Variants in ZNF521 observed in about 807,000 individuals in gnomAD.
The protein encoded by ZNF521 is LYST-interacting protein 3.
ZNF521 carries 14 observed loss-of-function variants against 105.5 expected under a neutral mutation model. That is an observed-to-expected ratio of 0.13 (90% confidence interval 0.09 to 0.21). The LOEUF is 0.21. Ranked by LOEUF, ZNF521 falls within the 10% of genes least tolerant of loss-of-function variation. The pLI, the probability that ZNF521 is intolerant of heterozygous loss-of-function variation, is 1.00. For missense variants in ZNF521, 1,233 were observed against 1,629.7 expected, an observed-to-expected ratio of 0.76 and a Z score of 4.19; for synonymous variants, 635 against 606.0, an observed-to-expected ratio of 1.05 and a Z score of -0.70.
At position 25,300,858 on chromosome 18, in the gene ZNF521, T is replaced by C. The variant is rs577297139; in HGVS notation, c.220+21150A>G. Among the ~76,000 whole-genome samples, 19 of 152,334 alleles carry C rather than the reference T, an allele frequency of 1.2e-4. No individual in the cohort carries two copies. The East Asian group carries it at 3.5e-3, about 28-fold the overall frequency. On this transcript the variant is annotated intron_variant, in intron 3 of 7. Coordinates refer to ENST00000361524, the MANE Select transcript of ZNF521 (RefSeq NM_015461.3). ...TCAAATACTTTCCCACCCTCAAAGA[T>C]GTATACATATTAATAATTTGCAAAC...
intron 3 of ZNF521, among the ~76,000 whole-genome samples, chr18:25,277,412 G>A (rs1910106506): frequency 6.6e-6 from 1 of 151,834 alleles, no homozygotes; most frequent in Non-Finnish European, 1.5e-5. Flanking sequence ...TAAGCTTAGG[G>A]CACAAAAAAA....
chr18:25,085,227 G>GTGTA (rs1555632521), intron 7 of ZNF521, among the ~76,000 whole-genome samples: 1 of 148,428 alleles, frequency 6.7e-6, no homozygotes, highest in Non-Finnish European at 1.5e-5. Context: ...ATTTTTATGT[G>GTGTA]TATATATATA....
At chr18:25,113,761 GACACACACAC>G (rs10667710) in intron 5 of ZNF521, among the ~76,000 whole-genome samples, 4 of 101,690 alleles carry the variant, frequency 3.9e-5, no homozygotes, top group East Asian at 2.9e-4. Flanking sequence ...AGGACGGACG[GACACACACAC>G]ACACACACAC....
At chr18:25,190,165 T>G (rs889281375) in intron 5 of ZNF521, among the ~76,000 whole-genome samples, 8 of 152,222 alleles carry the variant, frequency 5.3e-5, no homozygotes, top group African/African-American at 1.9e-4. Flanking sequence ...ATCCAGCTCT[T>G]GATGAAATAA....
chr18:25,329,369 G>T (rs191241104), intron 2 of ZNF521, among the ~76,000 whole-genome samples: 1 of 152,186 alleles, frequency 6.6e-6, no homozygotes, highest in African/African-American at 2.4e-5. Flanking sequence ...AAAGAGAAGA[G>T]TAAGTCAACG....
chr18:25,308,690 T>G (rs1476524344), intron 3 of ZNF521, among the ~76,000 whole-genome samples: 1 of 147,154 alleles, frequency 6.8e-6, no homozygotes, highest in Non-Finnish European at 1.5e-5. Context: ...AAAATTATTT[T>G]TTTTCTCAGA....
chr18:25,080,272 C>A (rs1012115190), intron 7 of ZNF521, among the ~76,000 whole-genome samples: 1 of 152,170 alleles, frequency 6.6e-6, no homozygotes, highest in Non-Finnish European at 1.5e-5. Flanking sequence ...TTAAAGGACT[C>A]GTTTACCCTG....
intron 5 of ZNF521, among the ~76,000 whole-genome samples, chr18:25,160,198 C>T (rs2035225244): frequency 6.6e-6 from 1 of 152,134 alleles, no homozygotes; most frequent in Non-Finnish European, 1.5e-5. Flanking sequence ...GTCAAGGCAA[C>T]ATTAAATGAA....
chr18:25,291,241 C>T (rs1160754538), intron 3 of ZNF521, among the ~76,000 whole-genome samples: 2 of 152,128 alleles, frequency 1.3e-5, no homozygotes, highest in Non-Finnish European at 2.9e-5. Flanking sequence ...ATTTTACCCT[C>T]CGTCTAAAGT....
At chr18:25,248,890 C>T (rs777807843) in intron 3 of ZNF521, among the ~76,000 whole-genome samples, 1 of 152,166 alleles carries the variant, frequency 6.6e-6, no homozygotes, top group Non-Finnish European at 1.5e-5. Flanking sequence ...AGGCCAAATG[C>T]TCTTGCTTTT....
In ZNF521 at chr18:25,212,565, A is replaced by ATATATATG. The variant is rs1227568202; in HGVS notation, c.3573+11779_3573+11780insCATATATA. 5.8e-3 allele frequency among the ~76,000 whole-genome samples: 653 copies of ATATATATG among 112,588 alleles called. 23 individuals are homozygous for ATATATATG. Among genetic ancestry groups the ATATATATG allele is most frequent in the African/African-American group, 0.015 (410 of 27,594 alleles). The allele number at this position is 112,588 out of a possible 152,430, so 73.9% of individuals were successfully genotyped here. On this transcript the variant is annotated intron_variant, in intron 4 of 7. Coordinates refer to ENST00000361524, the MANE Select transcript of ZNF521 (RefSeq NM_015461.3). ...TATATATATATATATATATATATAT[A>ATATATATG]TGTATAGAAACATATATTTTAAAAC...
At chr18:25,175,917 T>C (rs1055368470) in intron 5 of ZNF521, among the ~76,000 whole-genome samples, 1 of 152,252 alleles carries the variant, frequency 6.6e-6, no homozygotes, top group South Asian at 2.1e-4. Context: ...GAATTGTTTA[T>C]AAATCAGGCT....
intron 5 of ZNF521, among the ~76,000 whole-genome samples, chr18:25,165,060 AT>A (rs2035314359): frequency 1.3e-5 from 2 of 152,184 alleles, no homozygotes; most frequent in Non-Finnish European, 2.9e-5. Context: ...TCAAACATGC[AT>A]TTTAAACTGA....
chr18:25,305,141 G>A (rs1465265080), intron 3 of ZNF521, among the ~76,000 whole-genome samples: 1 of 152,132 alleles, frequency 6.6e-6, no homozygotes, highest in Non-Finnish European at 1.5e-5. Flanking sequence ...ATATTTAAAT[G>A]AACTCACTTA....
chr18:25,244,899 A>G (rs1907601421), intron 3 of ZNF521, among the ~76,000 whole-genome samples: 1 of 152,204 alleles, frequency 6.6e-6, no homozygotes, highest in Non-Finnish European at 1.5e-5. Flanking sequence ...ATATTTAAAT[A>G]TATTTGTGGG....
rs537807492 is a variant in ZNF521, at chr18:25,086,717, G to A, written c.3906+2748C>T. On this transcript the variant is annotated intron_variant, in intron 7 of 7. Coordinates refer to ENST00000361524, the MANE Select transcript of ZNF521 (RefSeq NM_015461.3). ...GAGCAAATATATATAATTTAGAGTTGTGGGATTGGAAATATAAGGCTCATA... is the reference window on the plus strand; with the variant it reads ...GAGCAAATATATATAATTTAGAGTTATGGGATTGGAAATATAAGGCTCATA... Among the ~76,000 whole-genome samples the A allele has an allele frequency of 2.0e-5, 3 of 152,252 alleles. No homozygotes were observed. In the South Asian group the frequency reaches 6.2e-4, roughly 32 times the overall value.
At chr18:25,191,269 A>G (rs1308638216) in intron 5 of ZNF521, among the ~76,000 whole-genome samples, 1 of 151,990 alleles carries the variant, frequency 6.6e-6, no homozygotes, top group East Asian at 1.9e-4. Flanking sequence ...TATTCCATTC[A>G]TTTTCTCCAT....
intron 3 of ZNF521, among the ~76,000 whole-genome samples, chr18:25,273,246 A>AAAAAAAAAAAAAAAAAAAAAAAC (rs1909797951): frequency 7.2e-6 from 1 of 139,026 alleles, no homozygotes; most frequent in Non-Finnish European, 1.6e-5. Flanking sequence ...AAAAAAAAAA[A>AAAAAAAAAAAAAAAAAAAAAAAC]AAAAAGACAT....
At chr18:25,303,624 G>A (rs1352688830) in intron 3 of ZNF521, among the ~76,000 whole-genome samples, 3 of 152,008 alleles carry the variant, frequency 2.0e-5, no homozygotes, top group African/African-American at 7.2e-5. Context: ...AATTCAAGCT[G>A]TTGTTATTTT....
Sources: gnomAD v4.1 joint callset for allele counts (sites outside exome capture counted in the v4.1 genomes callset) on GRCh38, gnomAD v4.1.1 for gene constraint, MANE v1.5 for transcripts, NCBI Gene and HGNC (gene_info 2026-07-23, HGNC 2026-07-21) for gene names.